LRBA: variants seen among roughly 807,000 people sequenced by gnomAD.
LRBA encodes lipopolysaccharide-responsive and beige-like anchor protein.
A neutral mutation model predicts 330.0 loss-of-function variants in LRBA; 176 were observed. The ratio of observed to expected loss-of-function variants is 0.53; its 90% confidence interval spans 0.47 to 0.60. The LOEUF (loss-of-function observed/expected upper bound fraction) is 0.60. LRBA is among the 20% of genes least tolerant of loss of function. LRBA has a pLI of 0.00. For synonymous variants in LRBA, 1,230 were observed against 1,193.0 expected (o/e 1.03, Z -0.64); for missense variants, 3,259 against 3,444.8 (o/e 0.95, Z 1.35).
At chr4:150,539,738 A>G (rs192728160) in intron 40 of LRBA, among the ~76,000 whole-genome samples, 55 of 152,360 alleles carry the variant, frequency 3.6e-4, no homozygotes, top group African/African-American at 1.3e-3. Context: ...GTGCTAAGTG[A>G]TCTGGAGAAC....
intron 37 of LRBA, among the ~76,000 whole-genome samples, chr4:150,670,029 C>T (rs941507303): frequency 1.3e-5 from 2 of 152,074 alleles, no homozygotes; most frequent in African/African-American, 2.4e-5. Context: ...ATGTCTGCCA[C>T]GTTTCTACAT....
At chr4:150,692,495 C>G (rs777490545) in intron 36 of LRBA, among the ~76,000 whole-genome samples, 3 of 152,062 alleles carry the variant, frequency 2.0e-5, no homozygotes, top group Non-Finnish European at 2.9e-5. Context: ...GCTGGGATTA[C>G]AGGCATGAGC....
intron 47 of LRBA, among the ~76,000 whole-genome samples, chr4:150,373,124 C>CGTGTGT (rs70937397): frequency 0.01 from 971 of 96,324 alleles, 8 homozygotes; most frequent in African/African-American, 0.014. Flanking sequence ...ACTACAATCT[C>CGTGTGT]GTGTGTGTGT....
Position 150,587,874 on chromosome 4 carries a change from A to C in LRBA, c.6330+174T>G, listed in dbSNP as rs536715184. 2.6e-5 allele frequency among the ~76,000 whole-genome samples: 4 copies of C among 152,310 alleles called. No individual in the cohort carries two copies. In the South Asian group the frequency reaches 8.3e-4, roughly 32 times the overall value. ...TTTTTGAATCTAAATGAACTTCAATAATCTAACTAACTGGTAGGGAATCAT... is the reference window on the plus strand; with the variant it reads ...TTTTTGAATCTAAATGAACTTCAATCATCTAACTAACTGGTAGGGAATCAT... On this transcript the variant is annotated intron_variant, in intron 40 of 56. Transcript: ENST00000651943.
intron 4 of LRBA, among the ~76,000 whole-genome samples, chr4:150,924,708 T>C (rs774075193): frequency 2.0e-5 from 3 of 152,156 alleles, no homozygotes; most frequent in Non-Finnish European, 2.9e-5. Flanking sequence ...AGAAATAATA[T>C]GCCTAATATT....
At chr4:150,272,531 C>T (rs1271869126) in intron 56 of LRBA, among the ~76,000 whole-genome samples, 4 of 151,822 alleles carry the variant, frequency 2.6e-5, no homozygotes, top group Non-Finnish European at 4.4e-5. Context: ...TAAAGGATCA[C>T]GTTCTAATCC....
intron 29 of LRBA, among the ~76,000 whole-genome samples, chr4:150,831,101 T>C (rs1333080296): frequency 6.6e-6 from 1 of 151,994 alleles, no homozygotes; most frequent in East Asian, 1.9e-4. Flanking sequence ...GTAACTCCTG[T>C]ACTCAAGACC....
chr4:150,757,373 T>C (rs1560776461), intron 35 of LRBA, among the ~76,000 whole-genome samples: 3 of 152,194 alleles, frequency 2.0e-5, no homozygotes, highest in Admixed American at 1.3e-4. Context: ...CTGAACTTAG[T>C]AATTGATTTG....
Position 150,315,505 on chromosome 4 carries a change from T to C in LRBA, c.7693+56A>G, listed in dbSNP as rs751281310. On this transcript the variant is annotated intron_variant, in intron 51 of 56. Coordinates refer to ENST00000651943, the MANE Select transcript of LRBA (RefSeq NM_001364905.1). ...AGTGAAAAACAACTGTAATCTACAC[T>C]TCAGGGCCACCATACAGAGCTTAAT... 5.0e-6 allele frequency: 7 copies of C among 1,410,072 alleles called. No homozygotes were observed. In the African/African-American group the frequency reaches 5.7e-5, roughly 11 times the overall value. 87.3% of individuals were successfully genotyped at this position (1,410,072 alleles called of 1,614,324 possible).
At chr4:150,659,858 G>GGT (rs1780783694) in intron 37 of LRBA, among the ~76,000 whole-genome samples, 1 of 106,036 alleles carries the variant, frequency 9.4e-6, no homozygotes, top group Non-Finnish European at 2.0e-5. Flanking sequence ...AGGTGGGGGG[G>GGT]TCAGCCCCCC....
intron 40 of LRBA, chr4:150,584,125 T>C (rs1458707510): frequency 2.0e-6 from 3 of 1,506,484 alleles, no homozygotes; most frequent in Non-Finnish European, 2.7e-6. Flanking sequence ...TGGGGACTGC[T>C]TGAAAAGCGA....
At chr4:150,776,664 T>A (rs545885089) in intron 34 of LRBA, among the ~76,000 whole-genome samples, 26 of 151,832 alleles carry the variant, frequency 1.7e-4, no homozygotes, top group African/African-American at 6.0e-4. Flanking sequence ...AATACAAAAA[T>A]TAGCCGGGCA....
intron 36 of LRBA, among the ~76,000 whole-genome samples, chr4:150,730,357 C>A (rs1730271724): frequency 6.6e-6 from 1 of 152,076 alleles, no homozygotes; most frequent in South Asian, 2.1e-4. Flanking sequence ...CGTTTCTCAA[C>A]AGAAGACATA....
At chr4:150,508,266 C>T (rs1350012334) in intron 40 of LRBA, among the ~76,000 whole-genome samples, 4 of 132,658 alleles carry the variant, frequency 3.0e-5, no homozygotes, top group Admixed American at 8.7e-5. Flanking sequence ...AAAAAGACAT[C>T]ACATGAGACC....
intron 2 of LRBA, among the ~76,000 whole-genome samples, chr4:151,001,352 G>A (rs1441219142): frequency 6.6e-6 from 1 of 152,076 alleles, no homozygotes; most frequent in Non-Finnish European, 1.5e-5. Context: ...TCATTCCAGG[G>A]CCTGGGAACC....
intron 2 of LRBA, among the ~76,000 whole-genome samples, chr4:150,992,736 T>A (rs189259873): frequency 2.6e-5 from 4 of 152,170 alleles, no homozygotes; most frequent in Non-Finnish European, 4.4e-5. Flanking sequence ...TGATCATCAA[T>A]AAGATGAGAA....
intron 22 of LRBA, among the ~76,000 whole-genome samples, chr4:150,861,231 T>C (rs989749841): frequency 1.3e-5 from 2 of 151,626 alleles, no homozygotes; most frequent in African/African-American, 2.4e-5. Flanking sequence ...GCCTCCTGAG[T>C]AGCTAGAAAT....
chr4:150,969,378 T>C (rs1214095408), intron 2 of LRBA, among the ~76,000 whole-genome samples: 2 of 152,188 alleles, frequency 1.3e-5, no homozygotes, highest in Non-Finnish European at 2.9e-5. Context: ...TTTTGATTCA[T>C]GGGAGGAGGA....
intron 40 of LRBA, among the ~76,000 whole-genome samples, chr4:150,526,011 C>T (rs1763433255): frequency 6.6e-6 from 1 of 151,992 alleles, no homozygotes; most frequent in Admixed American, 6.6e-5. Flanking sequence ...ATCCAGTTTA[C>T]ATTAATTTTA....
Sources: allele counts gnomAD v4.1 joint callset (sites outside exome capture counted in the v4.1 genomes callset), GRCh38; gene constraint gnomAD v4.1.1; transcripts MANE v1.5; gene names NCBI Gene and HGNC (gene_info 2026-07-23, HGNC 2026-07-21).